Variants in RBL2 observed in about 807,000 individuals in gnomAD.
RBL2 encodes the protein RB transcriptional corepressor like 2.
Under a neutral mutation model 126.0 loss-of-function variants are expected in RBL2, and 56 were observed. The ratio of observed to expected loss-of-function variants is 0.44; its 90% confidence interval spans 0.36 to 0.56. The LOEUF (loss-of-function observed/expected upper bound fraction) is 0.56, where lower values mean the gene tolerates loss of function less well. Ranked by LOEUF, RBL2 falls within the 20% of genes least tolerant of loss-of-function variation. RBL2 has a pLI of 0.00. For synonymous variants in RBL2, 454 were observed against 478.5 expected (o/e 0.95, Z 0.67); for missense variants, 1,229 against 1,398.2 (o/e 0.88, Z 1.93).
At position 53,439,093 on chromosome 16, in the gene RBL2, A is replaced by G; in HGVS notation, c.318A>G (p.Thr106=). ...CTGTTCCAACTGTAAGCAAAGGGAC[A>G]GTGGAAGGAAACTATGTATCTTTAA... The part of the protein sequence containing the change: ...RKSVPTVSKG[T]VEGNYVSLTR... Residue 106 remains threonine (T), a synonymous_variant, in exon 2 of 22, where the codon ACA becomes ACG. Coordinates refer to ENST00000262133, the MANE Select transcript of RBL2 (RefSeq NM_005611.4). 1 of 1,608,984 alleles carries G rather than the reference A, an allele frequency of 6.2e-7. No individual in the cohort carries two copies. Among genetic ancestry groups the G allele is most frequent in the Non-Finnish European group, 8.5e-7 (1 of 1,177,590 alleles).
chr16:53,454,715 G>A lies in RBL2; in HGVS notation c.1052G>A (p.Arg351Gln), dbSNP rs763567973. 1.6e-5 allele frequency: 26 copies of A among 1,613,958 alleles called. No homozygotes were observed. The highest frequency in any genetic ancestry group is 1.3e-4 in the East Asian group (6 of 44,876). Reference sequence around the variant, plus strand: ...TTATCTGTTGGGAATTTAGATGAGCGGATATTTCTTGGAGAGGATGCTGAG... The same window carrying A: ...TTATCTGTTGGGAATTTAGATGAGCAGATATTTCTTGGAGAGGATGCTGAG... Reference protein sequence around the residue: ...YVLSVGNLDERIFLGEDAEEE... With the variant: ...YVLSVGNLDEQIFLGEDAEEE... The change falls in exon 8 of 22, where the codon CGG becomes CAG. Residue 351 changes from arginine (R) to glutamine (Q), a missense_variant. By Grantham distance (43) the Arg-to-Gln change is conservative. Coordinates refer to ENST00000262133, the MANE Select transcript of RBL2 (RefSeq NM_005611.4).
intron 3 of RBL2, 44 bp from the exon 4 acceptor site, chr16:53,446,998 G>A: frequency 1.7e-6 from 2 of 1,201,214 alleles, no homozygotes; most frequent in Non-Finnish European, 2.3e-6. Context: ...TTTTTTTTCT[G>A]ATTCTTCTGT....
Position 53,434,560 on chromosome 16 carries a change from C to T in RBL2, c.4C>T (p.Pro2Ser). The T allele has an allele frequency of 2.7e-6, 4 of 1,499,748 alleles. No homozygotes were observed. The highest frequency in any genetic ancestry group is 2.6e-5 in the East Asian group (1 of 38,724). The allele number at this position is 1,499,748 out of a possible 1,614,324, so 92.9% of individuals were successfully genotyped here. A position where few individuals can be genotyped will look rare whatever the true frequency, so the allele number is the denominator to read the frequency against. Reference sequence around the variant, plus strand: ...TCCGGCCGCCCAGGGGTGCGCTATGCCGTCGGGAGGTGACCAGTCGCCACC... The same window carrying T: ...TCCGGCCGCCCAGGGGTGCGCTATGTCGTCGGGAGGTGACCAGTCGCCACC... M[P>S]SGGDQSPPPP... The change falls in exon 1 of 22, where the codon CCG (proline) becomes TCG (serine). Residue 2 changes from proline (P) to serine (S), a missense_variant. By Grantham distance (74) the Pro-to-Ser change is moderately conservative (BLOSUM62 -1). Coordinates refer to ENST00000262133, the MANE Select transcript of RBL2 (RefSeq NM_005611.4).
At chr16:53,447,740 G>A (rs543266965) in intron 4 of RBL2, among the ~76,000 whole-genome samples, 7 of 150,740 alleles carry the variant, frequency 4.6e-5, no homozygotes, top group African/African-American at 1.5e-4. Flanking sequence ...CACCTCCCAG[G>A]TTCAAGTAAT....
intron 4 of RBL2, chr16:53,448,659 T>A (rs1056807170): frequency 6.6e-6 from 1 of 152,214 alleles, no homozygotes; most frequent in Admixed American, 6.5e-5. Flanking sequence ...AATTTTTGTA[T>A]TTTTAGTAGT....
intron 21 of RBL2, among the ~76,000 whole-genome samples, chr16:53,483,089 C>T (rs896942889): frequency 6.6e-6 from 1 of 152,000 alleles, no homozygotes; most frequent in Non-Finnish European, 1.5e-5. Flanking sequence ...GGAGACTGTG[C>T]TGAAAGTATT....
In RBL2 at chr16:53,456,595, G is replaced by A. The variant is rs73608307; in HGVS notation, c.1179+1753G>A. On this transcript the variant is annotated intron_variant, in intron 8 of 21. Coordinates refer to ENST00000262133, the MANE Select transcript of RBL2 (RefSeq NM_005611.4). ...AATCCTGACAAGTGCCTGTAATGTT[G>A]TAAGTTATCTGGCCCTGGCTCTCTC... Among the ~76,000 whole-genome samples, 725 of 152,314 alleles carry A rather than the reference G, an allele frequency of 4.8e-3. 7 individuals carry two copies. The highest frequency in any genetic ancestry group is 0.016 in the African/African-American group (676 of 41,554).
Position 53,481,670 on chromosome 16 carries a change from G to T in RBL2, c.3085-1G>T. 2 of 1,577,718 alleles carry T rather than the reference G, an allele frequency of 1.3e-6. No homozygotes were observed. The highest frequency in any genetic ancestry group is 1.7e-6 in the Non-Finnish European group (2 of 1,165,184). Reference sequence around the variant, plus strand: ...ATTACTGATTTTTTTTTTTTAAACAGATGGATGCTCCTCCACTCTCTCCCT... The same window carrying T: ...ATTACTGATTTTTTTTTTTTAAACATATGGATGCTCCTCCACTCTCTCCCT... On this transcript the variant is annotated splice_acceptor_variant, in intron 20 of 21. Coordinates refer to ENST00000262133, the MANE Select transcript of RBL2 (RefSeq NM_005611.4). LOFTEE classifies it high-confidence loss of function.
chr16:53,464,462 C>T (rs2058252713), intron 12 of RBL2, 99 bp downstream of exon 12: 2 of 1,054,316 alleles, frequency 1.9e-6, no homozygotes, highest in South Asian at 1.8e-5. Flanking sequence ...AACATTTATT[C>T]TGTTTTTATT....
rs1451801767 is a variant in RBL2, at chr16:53,465,442, T to C, written c.1703T>C (p.Ile568Thr). The C allele has an allele frequency of 7.0e-7, 1 of 1,430,878 alleles. No homozygotes were observed. The highest frequency in any genetic ancestry group is 1.5e-5 in the African/African-American group (1 of 68,290). The allele number at this position is 1,430,878 out of a possible 1,614,324, so 88.6% of individuals were successfully genotyped here. A position where few individuals can be genotyped will look rare whatever the true frequency, so the allele number is the denominator to read the frequency against. ...DVPLYHFYKV[I>T]EVFIRAEDGL... ...CCAAGACATTTTTTATTTCAGGTGA[T>C]AGAAGTATTCATTAGAGCAGAAGAT... The change falls in exon 13 of 22, where the codon ATA (isoleucine) becomes ACA (threonine). Residue 568 changes from isoleucine (I) to threonine (T), a missense_variant. Coordinates refer to ENST00000262133, the MANE Select transcript of RBL2 (RefSeq NM_005611.4).
chr16:53,485,579 G>A (rs1342466909), intron 21 of RBL2, among the ~76,000 whole-genome samples: 3 of 152,156 alleles, frequency 2.0e-5, no homozygotes, highest in Non-Finnish European at 2.9e-5. Flanking sequence ...TGGAGGCTGG[G>A]TGCTGTGTCT....
intron 4 of RBL2, among the ~76,000 whole-genome samples, chr16:53,448,136 AGATT>A (rs1477958053): frequency 6.7e-6 from 1 of 148,838 alleles, no homozygotes; most frequent in African/African-American, 2.5e-5. Context: ...TCTCATTATT[AGATT>A]AACTAGCTTA....
At position 53,470,457 on chromosome 16, in the gene RBL2, A is replaced by G; in HGVS notation, c.2320A>G (p.Thr774Ala). The G allele has an allele frequency of 6.2e-7, 1 of 1,614,186 alleles. No homozygotes were observed. The highest frequency in any genetic ancestry group is 1.1e-5 in the South Asian group (1 of 91,088). Residue 774 changes from threonine to alanine, a missense_variant, in exon 16 of 22, where the codon ACA becomes GCA. Coordinates refer to ENST00000262133, the MANE Select transcript of RBL2 (RefSeq NM_005611.4). Reference protein sequence around the residue: ...VNVGGQAQAVTGSIQPLSAQA... With the variant: ...VNVGGQAQAVAGSIQPLSAQA... ...TGTTGGGGGGCAGGCACAAGCTGTG[A>G]CAGGCTCCATCCAGCCCCTCAGTGC...
intron 5 of RBL2, among the ~76,000 whole-genome samples, chr16:53,452,245 G>A (rs1383731866): frequency 6.6e-6 from 1 of 152,042 alleles, no homozygotes; most frequent in East Asian, 1.9e-4. Context: ...CTAAAATAAA[G>A]AAAATGAACT....
At chr16:53,485,607 C>T (rs1170933413) in intron 21 of RBL2, among the ~76,000 whole-genome samples, 2 of 152,038 alleles carry the variant, frequency 1.3e-5, no homozygotes, top group African/African-American at 4.8e-5. Flanking sequence ...GTAATCTCAG[C>T]ACTTTGGGAG....
chr16:53,489,344 A>G (rs1028719105), intron 21 of RBL2: 1 of 152,222 alleles, frequency 6.6e-6, no homozygotes, highest in Non-Finnish European at 1.5e-5. Flanking sequence ...CCTATAATAG[A>G]TATCTGTGAA....
chr16:53,466,940 C>A, intron 13 of RBL2, 118 bp from the exon 14 acceptor site: 2 of 741,202 alleles, frequency 2.7e-6, no homozygotes, highest in Non-Finnish European at 4.4e-6. Context: ...GGAAAGACAG[C>A]TGATTTTATT....
rs2058149963 is a variant in RBL2 at position 53,454,739 on chromosome 16, A to C, written c.1076A>C (p.Glu359Ala). 1.2e-6 allele frequency: 2 copies of C among 1,613,920 alleles called. No individual in the cohort carries two copies. The highest frequency in any genetic ancestry group is 2.7e-5 in the African/African-American group (2 of 74,914). ...CGGATATTTCTTGGAGAGGATGCTG[A>C]GGAGGAAATTGGGACTCTCTCAAGG... ...DERIFLGEDA[E>A]EEIGTLSRCL... The change falls in exon 8 of 22, where the codon GAG (glutamate) becomes GCG (alanine). Residue 359 changes from glutamate to alanine, a missense_variant. Physicochemically the swap from Glu to Ala is moderately radical, Grantham distance 107. Coordinates refer to ENST00000262133, the MANE Select transcript of RBL2 (RefSeq NM_005611.4).
chr16:53,467,024 G>T, intron 13 of RBL2, 34 bp from the exon 14 acceptor site: 2 of 1,495,858 alleles, frequency 1.3e-6, no homozygotes, highest in Non-Finnish European at 1.8e-6. Flanking sequence ...TGCTTTTTTG[G>T]ATACTGGCAT....
Sources: gnomAD v4.1 joint callset for allele counts (sites outside exome capture counted in the v4.1 genomes callset) on GRCh38, gnomAD v4.1.1 for gene constraint, MANE v1.5 for transcripts, NCBI Gene and HGNC (gene_info 2026-07-23, HGNC 2026-07-21) for gene names.